ADGRF1: variants seen among roughly 807,000 people sequenced by gnomAD.
The protein encoded by ADGRF1 is adhesion G protein-coupled receptor F1, also known as G protein-coupled receptor 110.
In ADGRF1, 85 loss-of-function variants were observed where a neutral mutation model predicts 87.2. The observed-to-expected ratio is 0.97, with a 90% CI of 0.82 to 1.17. The LOEUF is 1.17. Among genes scored for constraint, ADGRF1 ranks in the 50% most tolerant of loss-of-function variants. The pLI is 0.00. For missense variants in ADGRF1, 1,169 were observed against 1,077.2 expected, an observed-to-expected ratio of 1.09 and a Z score of -1.19; for synonymous variants, 430 against 408.8, an observed-to-expected ratio of 1.05 and a Z score of -0.63.
intron 2 of ADGRF1, 91 bp from the exon 3 acceptor site, chr6:47,027,852 T>G (rs1780287038): frequency 1.2e-6 from 1 of 851,948 alleles, no homozygotes; most frequent in South Asian, 1.5e-5. Context: ...ATTAAAATCA[T>G]GAATCTAAAA....
chr6:47,014,919 G>T, intron 8 of ADGRF1, 75 bp from the exon 9 acceptor site: 1 of 1,433,190 alleles, frequency 7.0e-7, no homozygotes, highest in Non-Finnish European at 9.2e-7. Context: ...ATGTAGTCAT[G>T]TTCAAATGTT....
intron 8 of ADGRF1, among the ~76,000 whole-genome samples, chr6:47,015,921 A>G (rs964177068): frequency 6.6e-6 from 1 of 151,936 alleles, no homozygotes; most frequent in African/African-American, 2.4e-5. Flanking sequence ...TATTTTTAGT[A>G]GAGTCGGGGT....
intron 13 of ADGRF1, among the ~76,000 whole-genome samples, chr6:47,004,392 C>A (rs1230605816): frequency 6.6e-6 from 1 of 152,172 alleles, no homozygotes; most frequent in Non-Finnish European, 1.5e-5. Context: ...TTTTTGTCAC[C>A]TAATTTGGAA....
chr6:47,005,058 G>A (rs1412866355), intron 13 of ADGRF1, among the ~76,000 whole-genome samples: 2 of 152,164 alleles, frequency 1.3e-5, no homozygotes, highest in Admixed American at 1.3e-4. Context: ...TATAGGTTTG[G>A]ATGCAGTTAA....
At chr6:47,000,532 G>A (rs772895944) in intron 14 of ADGRF1, among the ~76,000 whole-genome samples, 8 of 152,114 alleles carry the variant, frequency 5.3e-5, no homozygotes, top group Non-Finnish European at 7.3e-5. Flanking sequence ...AAATATTGCT[G>A]GGAAATGACA....
intron 7 of ADGRF1, chr6:47,020,165 T>C: frequency 8.8e-7 from 1 of 1,138,346 alleles, no homozygotes; most frequent in South Asian, 4.2e-5. Context: ...GTAGTTCTAC[T>C]CACTGACCCA....
At chr6:47,012,770 G>GT (rs1192983010) in intron 9 of ADGRF1, 28 of 985,028 alleles carry the variant, frequency 2.8e-5, no homozygotes, top group South Asian at 1.4e-4. Context: ...CACAAGATTT[G>GT]TTTTTTTTAT....
chr6:47,030,456 T>C (rs1251096516), intron 1 of ADGRF1, among the ~76,000 whole-genome samples: 1 of 152,184 alleles, frequency 6.6e-6, no homozygotes, highest in African/African-American at 2.4e-5. Context: ...CTGTGAGTTC[T>C]ATTCCTTCCC....
chr6:47,023,539 T>A (rs552913083), intron 5 of ADGRF1, among the ~76,000 whole-genome samples: 36 of 152,222 alleles, frequency 2.4e-4, no homozygotes, highest in Non-Finnish European at 3.8e-4. Context: ...TCCATTGGTT[T>A]CCTAAGCTAG....
chr6:47,014,475 G>A (rs1201250490), intron 9 of ADGRF1: 82 of 1,299,434 alleles, frequency 6.3e-5, no homozygotes, highest in Non-Finnish European at 7.9e-5. Context: ...TCTGTCTTTT[G>A]AGCTGCAACC....
At chr6:47,019,886 T>C in intron 7 of ADGRF1, 1 of 985,048 alleles carries the variant, frequency 1.0e-6, no homozygotes, top group Non-Finnish European at 1.2e-6. Context: ...AACAAAAGGA[T>C]AATTTACTAA....
rs772183083 is a variant in ADGRF1, at chr6:47,009,715, A to G, written c.1720T>C (p.Ser574Pro). The part of the protein sequence containing the change: ...THLTSFSILM[S>P]PFVPSTIFPV... ...AAGATTGTAGAGGGGACAAAAGGTG[A>G]CATCAATATGGAGAAGGAGGTCAAG... is the stretch of plus-strand genomic sequence containing the variant. The change falls in exon 11 of 15, where the codon TCA becomes CCA. Residue 574 changes from serine (S) to proline (P), a missense_variant. Physicochemically the swap from Ser to Pro is moderately conservative, Grantham distance 74. Transcript: ENST00000371253. The G allele has an allele frequency of 6.2e-7, 1 of 1,614,208 alleles. No homozygotes were observed. The highest frequency in any genetic ancestry group is 1.3e-5 in the African/African-American group (1 of 75,054).
chr6:47,023,543 A>G (rs185868395), intron 5 of ADGRF1, among the ~76,000 whole-genome samples: 321 of 152,294 alleles, frequency 2.1e-3, no homozygotes, highest in Non-Finnish European at 3.8e-3. Flanking sequence ...TTGGTTTCCT[A>G]AGCTAGACTT....
intron 9 of ADGRF1, chr6:47,012,672 G>T: frequency 1.0e-6 from 1 of 986,088 alleles, no homozygotes; most frequent in Non-Finnish European, 1.2e-6. Context: ...TGTTCACCAC[G>T]CTACACTGAG....
intron 2 of ADGRF1, among the ~76,000 whole-genome samples, chr6:47,028,336 A>G (rs1780305978): frequency 6.6e-6 from 1 of 152,230 alleles, no homozygotes; most frequent in East Asian, 1.9e-4. Flanking sequence ...AAGCTTTAAA[A>G]GTAATGCCAG....
intron 10 of ADGRF1, among the ~76,000 whole-genome samples, chr6:47,011,648 G>T (rs1183534095): frequency 6.6e-6 from 1 of 152,194 alleles, no homozygotes; most frequent in Non-Finnish European, 1.5e-5. Context: ...AAGGTGTTAT[G>T]AAGGGAGTTC....
intron 4 of ADGRF1, among the ~76,000 whole-genome samples, chr6:47,024,783 T>C (rs1780175287): frequency 6.6e-6 from 1 of 152,202 alleles, no homozygotes; most frequent in South Asian, 2.1e-4. Flanking sequence ...GGTAAGAAAA[T>C]GTCCAACTCA....
intron 1 of ADGRF1, among the ~76,000 whole-genome samples, chr6:47,035,510 T>G (rs138576358): frequency 6.6e-6 from 1 of 152,252 alleles, no homozygotes. Context: ...AAGTTTTGAT[T>G]TGATTATTTT....
At chr6:47,003,169 C>T (rs1361002453) in intron 13 of ADGRF1, among the ~76,000 whole-genome samples, 1 of 151,890 alleles carries the variant, frequency 6.6e-6, no homozygotes, top group Non-Finnish European at 1.5e-5. Flanking sequence ...GTCAGACATG[C>T]TTCATTGTAG....
Sources: allele counts gnomAD v4.1 joint callset (sites outside exome capture counted in the v4.1 genomes callset), GRCh38; gene constraint gnomAD v4.1.1; transcripts MANE v1.5; gene names NCBI Gene and HGNC (gene_info 2026-07-23, HGNC 2026-07-21).